Variants in COBL observed in about 807,000 individuals in gnomAD.
The protein encoded by COBL is protein cordon-bleu.
A neutral mutation model predicts 98.8 loss-of-function variants in COBL; 51 were observed. That is an observed-to-expected ratio of 0.52 (90% CI 0.41 to 0.65). COBL has a LOEUF of 0.65. Among genes scored for constraint, COBL ranks in the 30% least tolerant of loss-of-function variants. The pLI is 0.00. For synonymous variants in COBL, 634 were observed against 651.7 expected, an observed-to-expected ratio of 0.97 and a Z score of 0.41; for missense variants, 1,617 against 1,617.5, an observed-to-expected ratio of 1.00 and a Z score of 0.01.
chr7:51,192,722 G>C (rs1790229781), intron 3 of COBL, among the ~76,000 whole-genome samples: 1 of 152,162 alleles, frequency 6.6e-6, no homozygotes, highest in African/African-American at 2.4e-5. Flanking sequence ...CAAATGCAAT[G>C]AATAAATATT....
At position 51,278,425 on chromosome 7, in the gene COBL, G is replaced by A. The variant is rs1799508893; in HGVS notation, c.41+38168C>T. ...AGACACAGTCTCACTCTGTCGCCAG[G>A]CTGGAGTGCAATGGCGCGATCTCGG... is the stretch of plus-strand genomic sequence containing the variant. On this transcript the variant is annotated intron_variant, in intron 1 of 12. Transcript: ENST00000265136. Among the ~76,000 whole-genome samples the A allele has an allele frequency of 3.5e-5, 5 of 142,336 alleles. No homozygotes were observed. The South Asian group carries it at 1.1e-3, about 32-fold the overall frequency. 93.4% of individuals were successfully genotyped at this position (142,336 alleles called of 152,430 possible). A position where few individuals can be genotyped will look rare whatever the true frequency, so the allele number is the denominator to read the frequency against.
chr7:51,209,414 C>T (rs897153182), intron 2 of COBL, among the ~76,000 whole-genome samples: 1 of 152,188 alleles, frequency 6.6e-6, no homozygotes, highest in Non-Finnish European at 1.5e-5. Flanking sequence ...CTGGTGCGGC[C>T]TGGGCAGCCC....
chr7:51,102,007 C>T (rs965197420), intron 6 of COBL, among the ~76,000 whole-genome samples: 3 of 152,136 alleles, frequency 2.0e-5, no homozygotes, highest in Admixed American at 6.5e-5. Context: ...ACAAAAAGCT[C>T]TCTAGCTCTT....
intron 5 of COBL, among the ~76,000 whole-genome samples, chr7:51,155,405 T>A (rs538779262): frequency 6.6e-6 from 1 of 151,816 alleles, no homozygotes; most frequent in East Asian, 1.9e-4. Context: ...CTGGCCAACA[T>A]GGTGAAACCC....
intron 7 of COBL, among the ~76,000 whole-genome samples, chr7:51,069,943 A>G (rs1792341294): frequency 6.6e-6 from 1 of 152,220 alleles, no homozygotes; most frequent in South Asian, 2.1e-4. Flanking sequence ...AATAATCTCA[A>G]TAGATCTAAT....
intron 7 of COBL, among the ~76,000 whole-genome samples, chr7:51,054,778 C>A (rs539949870): frequency 1.3e-5 from 2 of 152,286 alleles, no homozygotes; most frequent in Non-Finnish European, 2.9e-5. Context: ...ACAATGATGT[C>A]CACGACAGAA....
At chr7:51,305,590 C>T (rs1802384238) in intron 1 of COBL, among the ~76,000 whole-genome samples, 1 of 152,168 alleles carries the variant, frequency 6.6e-6, no homozygotes, top group Non-Finnish European at 1.5e-5. Flanking sequence ...GGATAAATTA[C>T]TTTTGTGAAA....
At chr7:51,277,316 G>T (rs1300404126) in intron 1 of COBL, among the ~76,000 whole-genome samples, 1 of 152,232 alleles carries the variant, frequency 6.6e-6, no homozygotes, top group Non-Finnish European at 1.5e-5. Context: ...ATCTGTGTGT[G>T]TGCATGTGTG....
intron 6 of COBL, among the ~76,000 whole-genome samples, chr7:51,133,747 T>C (rs1562950239): frequency 6.6e-6 from 1 of 152,218 alleles, no homozygotes; most frequent in Non-Finnish European, 1.5e-5. Context: ...CTCCAGGCTC[T>C]AACACCTCTG....
intron 1 of COBL, among the ~76,000 whole-genome samples, chr7:51,302,735 GA>G (rs570299774): frequency 1.3e-4 from 19 of 151,906 alleles, no homozygotes; most frequent in Non-Finnish European, 2.6e-4. Context: ...CTATTTCTAA[GA>G]AAAAAATAAT....
At chr7:51,264,065 T>C (rs1016391579) in intron 1 of COBL, among the ~76,000 whole-genome samples, 2 of 152,052 alleles carry the variant, frequency 1.3e-5, no homozygotes, top group Non-Finnish European at 2.9e-5. Context: ...ACAAAACTAG[T>C]GAGGAAGAGA....
At chr7:51,194,671 G>A (rs1274110373) in intron 2 of COBL, among the ~76,000 whole-genome samples, 1 of 152,072 alleles carries the variant, frequency 6.6e-6, no homozygotes, top group Non-Finnish European at 1.5e-5. Context: ...GGTGTAAGAT[G>A]GTATCTCATT....
At chr7:51,148,207 C>T (rs189090029) in intron 5 of COBL, among the ~76,000 whole-genome samples, 3 of 152,238 alleles carry the variant, frequency 2.0e-5, no homozygotes, top group Admixed American at 2.0e-4. Context: ...TTACTATTTA[C>T]ACGTTTGTGC....
chr7:51,092,256 A>C (rs1794883805), intron 6 of COBL, among the ~76,000 whole-genome samples: 1 of 152,192 alleles, frequency 6.6e-6, no homozygotes, highest in African/African-American at 2.4e-5. Flanking sequence ...TGTCTTCCAC[A>C]AAACTGGTCC....
intron 2 of COBL, among the ~76,000 whole-genome samples, chr7:51,207,748 C>G (rs1162495908): frequency 6.6e-6 from 1 of 152,268 alleles, no homozygotes; most frequent in East Asian, 1.9e-4. Flanking sequence ...GGTGCCCAGG[C>G]TGGAGTGCAG....
chr7:51,120,878 T>C (rs1253410909), intron 6 of COBL, among the ~76,000 whole-genome samples: 3 of 152,238 alleles, frequency 2.0e-5, no homozygotes, highest in African/African-American at 7.2e-5. Flanking sequence ...AATATTTCAT[T>C]GTAAACAAAT....
chr7:51,278,475 G>T (rs564449336), intron 1 of COBL, among the ~76,000 whole-genome samples: 24 of 145,906 alleles, frequency 1.6e-4, no homozygotes, highest in Non-Finnish European at 1.0e-4. Flanking sequence ...TGCCTCCCAT[G>T]TTCTAAGTAA....
Position 51,219,948 on chromosome 7 carries a change from A to C in COBL, c.42-4T>G, listed in dbSNP as rs1395903362. 6.2e-7 allele frequency: 1 copy of C among 1,608,672 alleles called. No homozygotes were observed. The highest frequency in any genetic ancestry group is 1.7e-5 in the Admixed American group (1 of 59,802). On this transcript the variant is annotated splice_polypyrimidine_tract_variant and splice_region_variant and intron_variant, in intron 1 of 12. Transcript: ENST00000265136. ...AGCACGAGCCTTCATCTTCCTCCTTAAAAACAACAACACAAAGGCACAGAG... is the reference window on the plus strand; with the variant it reads ...AGCACGAGCCTTCATCTTCCTCCTTCAAAACAACAACACAAAGGCACAGAG...
At chr7:51,262,712 G>C (rs1367165031) in intron 1 of COBL, among the ~76,000 whole-genome samples, 1 of 152,228 alleles carries the variant, frequency 6.6e-6, no homozygotes, top group African/African-American at 2.4e-5. Flanking sequence ...AGACATGCCA[G>C]TATTAAAGCA....
Sources: allele counts gnomAD v4.1 joint callset (sites outside exome capture counted in the v4.1 genomes callset), GRCh38; gene constraint gnomAD v4.1.1; transcripts MANE v1.5; gene names NCBI Gene and HGNC (gene_info 2026-07-23, HGNC 2026-07-21).